TRPM3: variants seen among roughly 807,000 people sequenced by gnomAD.
The protein encoded by TRPM3 is long transient receptor potential channel 3.
A neutral mutation model predicts 181.2 loss-of-function variants in TRPM3; 77 were observed. The ratio of observed to expected loss-of-function variants is 0.42; its 90% CI spans 0.35 to 0.51. The LOEUF is 0.51. Among genes scored for constraint, TRPM3 ranks in the 20% least tolerant of loss-of-function variants. TRPM3 has a pLI of 0.01. For missense variants in TRPM3, 1,759 were observed against 2,196.7 expected (o/e 0.80, Z 3.98); for synonymous variants, 745 against 796.4 (o/e 0.94, Z 1.09).
intron 1 of TRPM3, among the ~76,000 whole-genome samples, chr9:71,069,143 A>G (rs2062348163): frequency 6.6e-6 from 1 of 152,214 alleles, no homozygotes; most frequent in African/African-American, 2.4e-5. Context: ...CTCATATTGA[A>G]AGCTAAGATA....
intron 25 of TRPM3, among the ~76,000 whole-genome samples, chr9:70,546,136 G>A (rs892308822): frequency 6.6e-6 from 1 of 152,194 alleles, no homozygotes; most frequent in Non-Finnish European, 1.5e-5. Flanking sequence ...CCAAATGTAA[G>A]ATGCCAGGAT....
chr9:71,275,544 T>C (rs2084136389), intron 1 of TRPM3, among the ~76,000 whole-genome samples: 1 of 152,108 alleles, frequency 6.6e-6, no homozygotes, highest in South Asian at 2.1e-4. Context: ...GTGTGTATTA[T>C]ATATGGAGCC....
intron 1 of TRPM3, among the ~76,000 whole-genome samples, chr9:71,392,026 C>G (rs2093073631): frequency 6.6e-6 from 1 of 151,958 alleles, no homozygotes; most frequent in South Asian, 2.1e-4. Context: ...AAGAAAAATT[C>G]AGTAGAATTT....
chr9:70,583,063 C>A (rs894207782), intron 22 of TRPM3, among the ~76,000 whole-genome samples: 1 of 152,132 alleles, frequency 6.6e-6, no homozygotes, highest in Non-Finnish European at 1.5e-5. Context: ...TGGTACCCCC[C>A]ACCCCAGGGA....
intron 1 of TRPM3, among the ~76,000 whole-genome samples, chr9:71,147,959 A>C (rs2075518849): frequency 6.6e-6 from 1 of 152,056 alleles, no homozygotes. Flanking sequence ...TCAGCTCAAG[A>C]GCCACCTCAC....
chr9:71,201,378 C>T (rs2078782743), intron 1 of TRPM3, among the ~76,000 whole-genome samples: 2 of 152,072 alleles, frequency 1.3e-5, no homozygotes, highest in Non-Finnish European at 2.9e-5. Context: ...CGAGGAGTAT[C>T]TTTGTGGTGT....
intron 1 of TRPM3, among the ~76,000 whole-genome samples, chr9:71,032,124 TTAACCTTAATGGTGG>T (rs1302971771): frequency 1.2e-3 from 115 of 92,794 alleles, no homozygotes; most frequent in Non-Finnish European, 1.8e-3. Flanking sequence ...ATTATATATA[TTAACCTTAATGGTGG>T]ATTATATATA....
rs143140107 is a variant in TRPM3, at chr9:70,536,138, A to G, written c.4975T>C (p.Tyr1659His). The G allele has an allele frequency of 6.8e-6, 11 of 1,614,158 alleles. No homozygotes were observed. Among genetic ancestry groups the G allele is most frequent in the African/African-American group, 2.7e-5 (2 of 75,034 alleles). ...SYSAEEPSAP[Y>H]AHTRKSFSIS... ...GAGAAGCTCTTCCTGGTGTGTGCAT[A>G]TGGCGCACTTGGCTCCTCTGCCGAG... The change falls in exon 26 of 26, where the codon TAT becomes CAT. Residue 1659 changes from tyrosine (Y) to histidine (H), a missense_variant. By Grantham distance (83) the Tyr-to-His change is moderately conservative. Coordinates refer to ENST00000677713, the MANE Select transcript of TRPM3 (RefSeq NM_001366145.2).
At chr9:70,805,114 T>G (rs1281383487) in intron 6 of TRPM3, among the ~76,000 whole-genome samples, 2 of 151,702 alleles carry the variant, frequency 1.3e-5, no homozygotes, top group Non-Finnish European at 2.9e-5. Flanking sequence ...TAAGAGGCTC[T>G]ATCTTAACAT....
chr9:71,178,170 T>C (rs1279930831), intron 1 of TRPM3, among the ~76,000 whole-genome samples: 1 of 152,154 alleles, frequency 6.6e-6, no homozygotes, highest in Non-Finnish European at 1.5e-5. Flanking sequence ...TATCACTGTT[T>C]TTTTATCAAC....
At chr9:71,080,946 AT>A (rs2064220154) in intron 1 of TRPM3, among the ~76,000 whole-genome samples, 1 of 152,094 alleles carries the variant, frequency 6.6e-6, no homozygotes. Flanking sequence ...AACTCCTTCT[AT>A]ATACACATTC....
In TRPM3 at chr9:71,039,676, G is replaced by A. The variant is rs575489729; in HGVS notation, c.177+81502C>T. Among the ~76,000 whole-genome samples the A allele has an allele frequency of 2.0e-5, 3 of 152,242 alleles. No homozygotes were observed. In the South Asian group the frequency reaches 6.2e-4, roughly 32 times the overall value. ...CAGGTCCCAATTCTCAGCATTAATG[G>A]ATAGAACAGGACTCACAAACATTGG... On this transcript the variant is annotated intron_variant, in intron 1 of 25. Coordinates refer to ENST00000677713, the MANE Select transcript of TRPM3 (RefSeq NM_001366145.2).
intron 9 of TRPM3, among the ~76,000 whole-genome samples, chr9:70,658,157 T>G (rs1042186543): frequency 2.6e-5 from 4 of 152,182 alleles, no homozygotes; most frequent in African/African-American, 9.6e-5. Flanking sequence ...TCATGCTGTT[T>G]TATTAGGGCT....
At chr9:70,977,847 CT>C (rs1360043660) in intron 1 of TRPM3, among the ~76,000 whole-genome samples, 1 of 152,228 alleles carries the variant, frequency 6.6e-6, no homozygotes, top group African/African-American at 2.4e-5. Context: ...TGGCACAAAG[CT>C]TCCATGCACT....
chr9:70,689,222 G>A (rs1977457), intron 8 of TRPM3, among the ~76,000 whole-genome samples: 98,553 of 151,878 alleles, frequency 0.65, 32,242 homozygotes, highest in African/African-American at 0.73. Context: ...CTCAGGTTAG[G>A]CATTATTTAA....
chr9:71,165,047 T>A (rs1017808082), intron 1 of TRPM3, among the ~76,000 whole-genome samples: 1 of 152,182 alleles, frequency 6.6e-6, no homozygotes, highest in Non-Finnish European at 1.5e-5. Context: ...TGTCTTATTG[T>A]CTTTACACCT....
intron 1 of TRPM3, among the ~76,000 whole-genome samples, chr9:71,436,095 G>A (rs549084539): frequency 7.9e-5 from 12 of 152,142 alleles, no homozygotes; most frequent in East Asian, 3.9e-4. Flanking sequence ...TGCTAGTCTC[G>A]TGATAGTGAA....
chr9:70,694,629 C>T (rs1383500353), intron 8 of TRPM3, among the ~76,000 whole-genome samples: 3 of 152,012 alleles, frequency 2.0e-5, no homozygotes, highest in Non-Finnish European at 2.9e-5. Context: ...TACAGGCACC[C>T]GCCACCACGC....
chr9:71,055,915 T>C (rs527658821), intron 1 of TRPM3, among the ~76,000 whole-genome samples: 1 of 152,128 alleles, frequency 6.6e-6, no homozygotes, highest in Admixed American at 6.6e-5. Flanking sequence ...CTCTTTCCCA[T>C]ATAGTCTGTA....
Sources: allele counts gnomAD v4.1 joint callset (sites outside exome capture counted in the v4.1 genomes callset), GRCh38; gene constraint gnomAD v4.1.1; transcripts MANE v1.5; gene names NCBI Gene and HGNC (gene_info 2026-07-23, HGNC 2026-07-21).